LRCH1: variants seen among roughly 807,000 people sequenced by gnomAD.
LRCH1 encodes leucine-rich repeat and calponin homology domain-containing protein 1.
In LRCH1, 23 loss-of-function variants were observed where a neutral mutation model predicts 94.9. The ratio of observed to expected loss-of-function variants is 0.24; its 90% CI spans 0.17 to 0.34. The LOEUF (loss-of-function observed/expected upper bound fraction) is 0.34. LRCH1 is among the 10% of genes least tolerant of loss of function. LRCH1 has a pLI of 1.00. For missense variants in LRCH1, 790 were observed against 945.9 expected, an observed-to-expected ratio of 0.84 and a Z score of 2.16; for synonymous variants, 364 against 354.9, an observed-to-expected ratio of 1.03 and a Z score of -0.29.
intron 17 of LRCH1, among the ~76,000 whole-genome samples, chr13:46,724,050 A>G (rs1041724724): frequency 4.6e-5 from 7 of 152,048 alleles, no homozygotes; most frequent in Admixed American, 2.6e-4. Context: ...GTGCAGTCGC[A>G]TGATCTCGGC....
Position 46,682,839 on chromosome 13 carries a change from T to C in LRCH1, c.685+993T>C, listed in dbSNP as rs541568108. ...CTTCCATAGCATGTCTGTCCAGTAG[T>C]GTGTTGAGTTCAAGGCAGATATGTA... On this transcript the variant is annotated intron_variant, in intron 4 of 19. Transcript: ENST00000389797. 3.3e-5 allele frequency among the ~76,000 whole-genome samples: 5 copies of C among 152,270 alleles called. No homozygotes were observed. The East Asian group carries it at 9.7e-4, about 29-fold the overall frequency.
chr13:46,582,149 C>CAAAAAAA (rs11387752), intron 1 of LRCH1, among the ~76,000 whole-genome samples: 2 of 104,586 alleles, frequency 1.9e-5, no homozygotes, highest in African/African-American at 3.8e-5. Flanking sequence ...GACTCCATCT[C>CAAAAAAA]AAAAAAAAAA....
At chr13:46,728,742 C>T in intron 17 of LRCH1, 105 bp from the exon 18 acceptor site, 6 of 1,052,312 alleles carry the variant, frequency 5.7e-6, no homozygotes, top group Non-Finnish European at 8.0e-6. Flanking sequence ...TCCTTATTTC[C>T]TATGATGAAA....
intron 1 of LRCH1, among the ~76,000 whole-genome samples, chr13:46,619,032 C>T (rs940196258): frequency 2.0e-5 from 3 of 151,550 alleles, no homozygotes; most frequent in Admixed American, 1.3e-4. Flanking sequence ...ACTAACTTCA[C>T]ATCTAAAGTT....
chr13:46,555,297 T>G (rs1316239792), intron 1 of LRCH1, among the ~76,000 whole-genome samples: 1 of 152,240 alleles, frequency 6.6e-6, no homozygotes, highest in Non-Finnish European at 1.5e-5. Context: ...TACCGTGAGC[T>G]AGCTATGCTA....
chr13:46,700,736 G>T (rs1286537453), intron 10 of LRCH1, among the ~76,000 whole-genome samples: 1 of 152,154 alleles, frequency 6.6e-6, no homozygotes, highest in Non-Finnish European at 1.5e-5. Flanking sequence ...CTGGTTGAAC[G>T]GGAGTTGGAA....
At chr13:46,679,352 C>T (rs781252783) in intron 3 of LRCH1, among the ~76,000 whole-genome samples, 1 of 152,210 alleles carries the variant, frequency 6.6e-6, no homozygotes, top group Non-Finnish European at 1.5e-5. Context: ...AGAAAGCTTT[C>T]ATTGAAAGCA....
At chr13:46,716,203 C>A (rs1387734689) in intron 16 of LRCH1, among the ~76,000 whole-genome samples, 1 of 151,888 alleles carries the variant, frequency 6.6e-6, no homozygotes, top group African/African-American at 2.4e-5. Flanking sequence ...ACTTTTGATG[C>A]CTTCTTGAGT....
intron 13 of LRCH1, among the ~76,000 whole-genome samples, chr13:46,709,230 T>C (rs1316886175): frequency 6.6e-6 from 1 of 152,256 alleles, no homozygotes; most frequent in Non-Finnish European, 1.5e-5. Flanking sequence ...CATTATATTA[T>C]GTGGAAAAGC....
At chr13:46,635,190 C>T (rs1307856773) in intron 1 of LRCH1, among the ~76,000 whole-genome samples, 1 of 152,178 alleles carries the variant, frequency 6.6e-6, no homozygotes, top group Non-Finnish European at 1.5e-5. Flanking sequence ...GCTTTACTGC[C>T]ACCCAGCACT....
Position 46,699,085 on chromosome 13 carries a change from G to A in LRCH1, c.1246-251G>A, listed in dbSNP as rs59957773. Reference sequence around the variant, plus strand: ...TTTTGTGACTGGCTTATTGCACGTAGCATAATGTCCTCCAGGTTTATCTGT... The same window carrying A: ...TTTTGTGACTGGCTTATTGCACGTAACATAATGTCCTCCAGGTTTATCTGT... On this transcript the variant is annotated intron_variant, in intron 9 of 19. Transcript: ENST00000389797. Among the ~76,000 whole-genome samples the A allele has an allele frequency of 4.2e-3, 639 of 152,314 alleles. 6 individuals carry two copies. The highest frequency in any genetic ancestry group is 0.012 in the African/African-American group (518 of 41,552).
intron 3 of LRCH1, among the ~76,000 whole-genome samples, chr13:46,677,374 G>T (rs968202233): frequency 6.6e-6 from 1 of 151,930 alleles, no homozygotes; most frequent in Admixed American, 6.6e-5. Flanking sequence ...GGTTTGCAGT[G>T]AGCCAAGATC....
rs547576751 is a variant in LRCH1, at chr13:46,582,574, T to C, written c.307+28871T>C. Among the ~76,000 whole-genome samples, 8 of 145,038 alleles carry C rather than the reference T, an allele frequency of 5.5e-5. No individual in the cohort carries two copies. The East Asian group carries it at 1.7e-3, about 30-fold the overall frequency. On this transcript the variant is annotated intron_variant, in intron 1 of 19. Transcript: ENST00000389797. ...ATCTTAGCTCACTGTAGCCTTGACC[T>C]CCCGGGCTCAGGTGATCCTCCCACC...
downstream of LRCH1, among the ~76,000 whole-genome samples, chr13:46,745,346 T>C (rs1452840723): frequency 6.6e-6 from 1 of 151,672 alleles, no homozygotes; most frequent in East Asian, 1.9e-4. Context: ...GGAATTCAAG[T>C]GATAAGGACC....
At position 46,734,102 on chromosome 13, in the gene LRCH1, G is replaced by A. The variant is rs574957914; in HGVS notation, c.2085+104G>A. ...TGCAAAGCTTTGTACATGCTTTTTT[G>A]TCTCAACCTTTCTTGAGAAATAATA... On this transcript the variant is annotated intron_variant, in intron 19 of 19. Transcript: ENST00000389797. 1.2e-5 allele frequency: 6 copies of A among 510,974 alleles called. No individual in the cohort carries two copies. In the South Asian group the frequency reaches 2.4e-4, roughly 20 times the overall value. 31.7% of individuals were successfully genotyped at this position (510,974 alleles called of 1,614,324 possible).
At chr13:46,584,151 A>G (rs1215813826) in intron 1 of LRCH1, among the ~76,000 whole-genome samples, 1 of 152,192 alleles carries the variant, frequency 6.6e-6, no homozygotes, top group Non-Finnish European at 1.5e-5. Context: ...TGACACTTCA[A>G]TTATAGTCCG....
At chr13:46,703,934 G>A (rs938198580) in intron 11 of LRCH1, among the ~76,000 whole-genome samples, 5 of 152,014 alleles carry the variant, frequency 3.3e-5, no homozygotes, top group Non-Finnish European at 7.4e-5. Context: ...AATATATTAA[G>A]ATAGTGGAAG....
At chr13:46,561,617 T>G (rs1281701797) in intron 1 of LRCH1, among the ~76,000 whole-genome samples, 1 of 152,244 alleles carries the variant, frequency 6.6e-6, no homozygotes, top group Non-Finnish European at 1.5e-5. Flanking sequence ...ATATTTCTGA[T>G]CTGGTTCAGT....
intron 18 of LRCH1, among the ~76,000 whole-genome samples, chr13:46,731,883 C>G (rs1244600007): frequency 6.6e-6 from 1 of 152,148 alleles, no homozygotes; most frequent in Non-Finnish European, 1.5e-5. Context: ...ATTCAGAAAA[C>G]AAACCATTCT....
Sources: gnomAD v4.1 joint callset for allele counts (sites outside exome capture counted in the v4.1 genomes callset) on GRCh38, gnomAD v4.1.1 for gene constraint, MANE v1.5 for transcripts, NCBI Gene and HGNC (gene_info 2026-07-23, HGNC 2026-07-21) for gene names.